Variants in DLGAP1 observed in about 807,000 individuals in gnomAD.
The protein encoded by DLGAP1 is disks large-associated protein 1.
In DLGAP1, 11 loss-of-function variants were observed where a neutral mutation model predicts 90.8. The ratio of observed to expected loss-of-function variants is 0.12; its 90% CI spans 0.08 to 0.20. DLGAP1 has a LOEUF of 0.20. Among genes scored for constraint, DLGAP1 ranks in the 10% least tolerant of loss-of-function variants. DLGAP1 has a pLI of 1.00. For synonymous variants in DLGAP1, 558 were observed against 540.7 expected, an observed-to-expected ratio of 1.03 and a Z score of -0.44; for missense variants, 1,050 against 1,333.8, an observed-to-expected ratio of 0.79 and a Z score of 3.31.
chr18:4,174,776 A>G (rs981257800), intron 1 of DLGAP1, among the ~76,000 whole-genome samples: 2 of 151,880 alleles, frequency 1.3e-5, no homozygotes, highest in African/African-American at 4.8e-5. Flanking sequence ...CCACCCCCCA[A>G]CTGGCCCTGG....
intron 1 of DLGAP1, among the ~76,000 whole-genome samples, chr18:4,267,626 C>A (rs989437878): frequency 7.9e-5 from 12 of 152,186 alleles, no homozygotes; most frequent in African/African-American, 2.9e-4. Context: ...TTTAAAACAA[C>A]ACACATTTAT....
rs180764342 is a variant in DLGAP1, at chr18:3,742,608, T to C, written c.1173-96A>G. 2.5e-4 allele frequency: 342 copies of C among 1,393,784 alleles called. 3 individuals are homozygous for C. The highest frequency in any genetic ancestry group is 5.8e-5 in the Admixed American group (3 of 51,488). 86.3% of individuals were successfully genotyped at this position (1,393,784 alleles called of 1,614,324 possible). ...ATTGTCATTTATGTAGCACCCTAAATACTGGGACAAATGACATAGATGCCC... is the reference window on the plus strand; with the variant it reads ...ATTGTCATTTATGTAGCACCCTAAACACTGGGACAAATGACATAGATGCCC... On this transcript the variant is annotated intron_variant, in intron 5 of 12. Coordinates refer to ENST00000315677, the MANE Select transcript of DLGAP1 (RefSeq NM_004746.4).
At chr18:3,610,868 A>C (rs1173773940) in intron 7 of DLGAP1, among the ~76,000 whole-genome samples, 6 of 138,284 alleles carry the variant, frequency 4.3e-5, no homozygotes, top group Non-Finnish European at 7.8e-5. Context: ...GTATAAAAGT[A>C]TTAACTGTAT....
intron 3 of DLGAP1, among the ~76,000 whole-genome samples, chr18:3,971,629 T>C (rs1180360970): frequency 6.6e-6 from 1 of 152,214 alleles, no homozygotes; most frequent in Non-Finnish European, 1.5e-5. Context: ...AGACTTAACT[T>C]TTAAGACTCT....
intron 1 of DLGAP1, among the ~76,000 whole-genome samples, chr18:4,367,143 C>A (rs761171349): frequency 6.7e-6 from 1 of 149,976 alleles, no homozygotes; most frequent in Non-Finnish European, 1.5e-5. Flanking sequence ...GACTTCAAGA[C>A]CATCAAGGAA....
intron 3 of DLGAP1, among the ~76,000 whole-genome samples, chr18:3,974,591 T>G (rs2073529928): frequency 6.6e-6 from 1 of 152,178 alleles, no homozygotes; most frequent in African/African-American, 2.4e-5. Flanking sequence ...CTTTTCTTCT[T>G]TACTGGACTA....
intron 1 of DLGAP1, among the ~76,000 whole-genome samples, chr18:4,251,699 T>C (rs1191694217): frequency 1.3e-5 from 2 of 152,220 alleles, no homozygotes; most frequent in Non-Finnish European, 1.5e-5. Flanking sequence ...AAGCTGAGTT[T>C]GTCTAAAGAA....
intron 3 of DLGAP1, among the ~76,000 whole-genome samples, chr18:3,992,231 C>G (rs2073984113): frequency 6.6e-6 from 1 of 152,192 alleles, no homozygotes; most frequent in South Asian, 2.1e-4. Flanking sequence ...TTTGGAACAT[C>G]CTTGGCCAGG....
chr18:3,968,197 C>A (rs747295770), intron 3 of DLGAP1, among the ~76,000 whole-genome samples: 4 of 152,188 alleles, frequency 2.6e-5, no homozygotes, highest in Non-Finnish European at 5.9e-5. Context: ...CCACTTCTTT[C>A]TCCTGTATCT....
intron 2 of DLGAP1, among the ~76,000 whole-genome samples, chr18:4,131,294 G>A (rs1462006864): frequency 6.6e-6 from 1 of 152,182 alleles, no homozygotes; most frequent in African/African-American, 2.4e-5. Flanking sequence ...GTGGGCTCAT[G>A]TCATTCAGGC....
At chr18:4,237,536 T>TCCAG (rs1568465464) in intron 1 of DLGAP1, among the ~76,000 whole-genome samples, 1 of 152,170 alleles carries the variant, frequency 6.6e-6, no homozygotes, top group African/African-American at 2.4e-5. Flanking sequence ...CTCTGGAAAG[T>TCCAG]CCAGGTTCCT....
chr18:4,229,628 G>A (rs897420002), intron 1 of DLGAP1, among the ~76,000 whole-genome samples: 2 of 151,970 alleles, frequency 1.3e-5, no homozygotes, highest in African/African-American at 4.8e-5. Flanking sequence ...CCATATGAAG[G>A]AGAATGAGTC....
chr18:4,236,691 A>G (rs2078423742), intron 1 of DLGAP1, among the ~76,000 whole-genome samples: 1 of 151,876 alleles, frequency 6.6e-6, no homozygotes, highest in African/African-American at 2.4e-5. Context: ...ACTTTCACTG[A>G]TATTTATCTT....
intron 3 of DLGAP1, among the ~76,000 whole-genome samples, chr18:3,898,044 T>A (rs1215090251): frequency 3.3e-5 from 5 of 152,262 alleles, no homozygotes; most frequent in East Asian, 1.9e-4. Flanking sequence ...TCCGCCCGCC[T>A]TGGCCTCCCA....
intron 3 of DLGAP1, among the ~76,000 whole-genome samples, chr18:3,924,974 A>G (rs1172505064): frequency 6.6e-6 from 1 of 151,788 alleles, no homozygotes; most frequent in East Asian, 1.9e-4. Flanking sequence ...TTTTTTGGAG[A>G]CAGAGTCTTG....
intron 1 of DLGAP1, among the ~76,000 whole-genome samples, chr18:4,328,797 T>C (rs1381464030): frequency 2.0e-5 from 3 of 152,008 alleles, no homozygotes; most frequent in African/African-American, 7.2e-5. Flanking sequence ...TTACTAACGA[T>C]GTTGAGCATC....
chr18:3,982,894 AT>A (rs1307793567), intron 3 of DLGAP1, among the ~76,000 whole-genome samples: 1 of 152,120 alleles, frequency 6.6e-6, no homozygotes. Flanking sequence ...TTTGTTTTGA[AT>A]TTTTTTCTTA....
chr18:3,692,233 C>T (rs935876853), intron 7 of DLGAP1, among the ~76,000 whole-genome samples: 2 of 152,156 alleles, frequency 1.3e-5, no homozygotes. Flanking sequence ...TGCCTCTTAC[C>T]AGAGGAGAGA....
chr18:4,373,846 C>G (rs1015942601), intron 1 of DLGAP1, among the ~76,000 whole-genome samples: 1 of 151,932 alleles, frequency 6.6e-6, no homozygotes, highest in African/African-American at 2.4e-5. Context: ...CATATTTATC[C>G]TGTCTAATAA....
Sources: gnomAD v4.1 joint callset for allele counts (sites outside exome capture counted in the v4.1 genomes callset) on GRCh38, gnomAD v4.1.1 for gene constraint, MANE v1.5 for transcripts, NCBI Gene and HGNC (gene_info 2026-07-23, HGNC 2026-07-21) for gene names.